PDE1C: variants seen among roughly 807,000 people sequenced by gnomAD.
PDE1C encodes dual specificity calcium/calmodulin-dependent 3',5'-cyclic nucleotide phosphodiesterase 1C.
Under a neutral mutation model 93.1 loss-of-function variants are expected in PDE1C, and 62 were observed. The ratio of observed to expected loss-of-function variants is 0.67; its 90% CI spans 0.54 to 0.82. The LOEUF is 0.82. PDE1C is among the 40% of genes least tolerant of loss of function. The pLI is 0.00. For synonymous variants in PDE1C, 325 were observed against 310.1 expected (o/e 1.05, Z -0.50); for missense variants, 742 against 884.6 (o/e 0.84, Z 2.04).
intron 3 of PDE1C, among the ~76,000 whole-genome samples, chr7:32,100,104 C>T (rs1410103270): frequency 6.6e-6 from 1 of 152,202 alleles, no homozygotes; most frequent in African/African-American, 2.4e-5. Flanking sequence ...TAGACTCCAT[C>T]CCATGCCCAG....
intron 1 of PDE1C, among the ~76,000 whole-genome samples, chr7:32,288,615 T>A (rs540367340): frequency 6.6e-6 from 1 of 152,344 alleles, no homozygotes; most frequent in South Asian, 2.1e-4. Context: ...AAGAGATGAC[T>A]GATTCCTCTC....
At chr7:32,146,780 G>A (rs958895322) in intron 3 of PDE1C, among the ~76,000 whole-genome samples, 2 of 152,016 alleles carry the variant, frequency 1.3e-5, no homozygotes, top group Admixed American at 6.6e-5. Flanking sequence ...AATATGAAGC[G>A]AATAAGGCAT....
chr7:31,845,742 G>C (rs1792491338), intron 9 of PDE1C, among the ~76,000 whole-genome samples: 1 of 152,154 alleles, frequency 6.6e-6, no homozygotes, highest in Non-Finnish European at 1.5e-5. Context: ...TGTAATCCCA[G>C]CACTTTGGGA....
intron 2 of PDE1C, among the ~76,000 whole-genome samples, chr7:32,188,858 T>C (rs1267584711): frequency 6.6e-6 from 1 of 152,208 alleles, no homozygotes. Context: ...TGTGTTACTC[T>C]AGATTTTATT....
At chr7:31,938,686 A>AT (rs1420992920) in intron 2 of PDE1C, among the ~76,000 whole-genome samples, 3 of 152,184 alleles carry the variant, frequency 2.0e-5, no homozygotes, top group African/African-American at 7.2e-5. Flanking sequence ...TAATTCACAA[A>AT]TTTTTGTTGA....
chr7:31,804,363 G>A (rs1786504642), intron 16 of PDE1C, among the ~76,000 whole-genome samples: 3 of 151,750 alleles, frequency 2.0e-5, no homozygotes, highest in Admixed American at 6.6e-5. Context: ...CCTGACTTGT[G>A]TGAGCATCAG....
intron 2 of PDE1C, among the ~76,000 whole-genome samples, chr7:32,029,372 T>C (rs1789955476): frequency 6.6e-6 from 1 of 152,172 alleles, no homozygotes; most frequent in Non-Finnish European, 1.5e-5. Context: ...GAAATCATCT[T>C]GTCAAAGAAA....
At chr7:32,190,552 G>T (rs1471050617) in intron 2 of PDE1C, among the ~76,000 whole-genome samples, 1 of 152,226 alleles carries the variant, frequency 6.6e-6, no homozygotes, top group Non-Finnish European at 1.5e-5. Flanking sequence ...GTCTAGTAGA[G>T]TAACTGAGTA....
intron 1 of PDE1C, among the ~76,000 whole-genome samples, chr7:32,263,443 G>C (rs984487164): frequency 6.6e-6 from 1 of 151,926 alleles, no homozygotes; most frequent in Non-Finnish European, 1.5e-5. Context: ...GTTAAGATAA[G>C]TTACATACAT....
intron 3 of PDE1C, among the ~76,000 whole-genome samples, chr7:32,148,294 A>G (rs941769978): frequency 6.6e-6 from 1 of 152,194 alleles, no homozygotes; most frequent in Non-Finnish European, 1.5e-5. Flanking sequence ...AATTCATTTA[A>G]CATATTGTAT....
intron 7 of PDE1C, 97 bp downstream of exon 7, chr7:31,864,845 G>T: frequency 8.7e-7 from 1 of 1,144,920 alleles, no homozygotes; most frequent in Non-Finnish European, 1.3e-6. Flanking sequence ...AACAATGCAT[G>T]ACTCGTGGCC....
At chr7:31,920,179 C>T (rs1345700876) in intron 2 of PDE1C, among the ~76,000 whole-genome samples, 1 of 152,162 alleles carries the variant, frequency 6.6e-6, no homozygotes, top group East Asian at 1.9e-4. Flanking sequence ...TGAGTCCCTG[C>T]TTCCCTTTAA....
the PDE1C span, among the ~76,000 whole-genome samples, chr7:31,667,839 A>G: frequency 1.5e-4 from 22 of 151,162 alleles, no homozygotes; most frequent in African/African-American, 4.9e-4. Flanking sequence ...TGAATCTGGG[A>G]AAAAAAAATT....
intron 1 of PDE1C, among the ~76,000 whole-genome samples, chr7:32,242,745 A>G (rs1442232990): frequency 6.6e-6 from 1 of 152,184 alleles, no homozygotes; most frequent in Non-Finnish European, 1.5e-5. Flanking sequence ...AAGTTCATCT[A>G]TGAGCCTCTG....
chr7:31,848,590 T>A (rs969879954), intron 8 of PDE1C, among the ~76,000 whole-genome samples: 8 of 152,184 alleles, frequency 5.3e-5, no homozygotes, highest in African/African-American at 1.7e-4. Context: ...AAAAGCCACA[T>A]GTGGAAAATT....
intron 1 of PDE1C, among the ~76,000 whole-genome samples, chr7:32,211,745 G>A (rs1336962810): frequency 6.6e-6 from 1 of 151,956 alleles, no homozygotes; most frequent in Non-Finnish European, 1.5e-5. Flanking sequence ...AGCTGGGTGG[G>A]GCATAGTGGC....
intron 1 of PDE1C, among the ~76,000 whole-genome samples, chr7:32,377,603 C>T (rs920348783): frequency 3.3e-5 from 5 of 152,138 alleles, no homozygotes; most frequent in Non-Finnish European, 7.3e-5. Context: ...CTTAGTATGA[C>T]CAAGCCCTAT....
At chr7:32,266,687 G>C (rs986360177) in intron 1 of PDE1C, among the ~76,000 whole-genome samples, 1 of 152,088 alleles carries the variant, frequency 6.6e-6, no homozygotes, top group African/African-American at 2.4e-5. Flanking sequence ...AGACAGAATG[G>C]TCAGTGCAGG....
chr7:31,952,720 T>C (rs140243279), intron 2 of PDE1C, among the ~76,000 whole-genome samples: 128 of 152,266 alleles, frequency 8.4e-4, no homozygotes, highest in African/African-American at 2.8e-3. Flanking sequence ...GCTTGTCACA[T>C]TGCAAGGGCC....
Sources: gnomAD v4.1 joint callset for allele counts (sites outside exome capture counted in the v4.1 genomes callset) on GRCh38, gnomAD v4.1.1 for gene constraint, MANE v1.5 for transcripts, NCBI Gene and HGNC (gene_info 2026-07-23, HGNC 2026-07-21) for gene names.